ADAMTSL1: variants seen among roughly 807,000 people sequenced by gnomAD.
ADAMTSL1 encodes the protein ADAMTS like 1.
In ADAMTSL1, 126 loss-of-function variants were observed where a neutral mutation model predicts 201.8. That is an observed-to-expected ratio of 0.62 (90% CI 0.54 to 0.72). The LOEUF (loss-of-function observed/expected upper bound fraction) is 0.72. Ranked by LOEUF, ADAMTSL1 falls within the 30% of genes least tolerant of loss-of-function variation. The pLI is 0.00. For synonymous variants in ADAMTSL1, 1,121 were observed against 903.4 expected, an observed-to-expected ratio of 1.24 and a Z score of -4.32; for missense variants, 2,679 against 2,277.8, an observed-to-expected ratio of 1.18 and a Z score of -3.59.
At chr9:18,816,561 A>C (rs1052109870) in intron 20 of ADAMTSL1, among the ~76,000 whole-genome samples, 1 of 152,060 alleles carries the variant, frequency 6.6e-6, no homozygotes, top group Non-Finnish European at 1.5e-5. Flanking sequence ...TTATAACTGC[A>C]AGTGAGTCTA....
chr9:18,775,140 T>G (rs1820903630), intron 17 of ADAMTSL1, among the ~76,000 whole-genome samples: 2 of 152,332 alleles, frequency 1.3e-5, no homozygotes, highest in East Asian at 3.9e-4. Context: ...ATGGACTATT[T>G]CATTTTAACA....
chr9:18,509,459 G>A (rs188857485), intron 2 of ADAMTSL1, among the ~76,000 whole-genome samples: 20 of 152,252 alleles, frequency 1.3e-4, no homozygotes, highest in Non-Finnish European at 2.9e-4. Context: ...ATCCTCAGTG[G>A]AATATCAGAT....
intron 1 of ADAMTSL1, among the ~76,000 whole-genome samples, chr9:18,036,790 G>C (rs1266826836): frequency 6.6e-6 from 1 of 152,160 alleles, no homozygotes; most frequent in Non-Finnish European, 1.5e-5. Flanking sequence ...CCACATTATT[G>C]AGATAGGTAG....
intron 23 of ADAMTSL1, among the ~76,000 whole-genome samples, chr9:18,876,508 T>TGATG (rs776424497): frequency 1.3e-5 from 2 of 152,182 alleles, no homozygotes; most frequent in Non-Finnish European, 2.9e-5. Context: ...CCTTCATGTA[T>TGATG]GATGCTTAGT....
intron 1 of ADAMTSL1, among the ~76,000 whole-genome samples, chr9:18,501,967 C>T (rs1210551316): frequency 6.6e-6 from 1 of 152,146 alleles, no homozygotes; most frequent in African/African-American, 2.4e-5. Flanking sequence ...TCAAACAAGG[C>T]ACATGAAAAA....
intron 2 of ADAMTSL1, among the ~76,000 whole-genome samples, chr9:18,509,350 A>T (rs1432617554): frequency 6.6e-6 from 1 of 152,042 alleles, no homozygotes; most frequent in Non-Finnish European, 1.5e-5. Context: ...TACCAGCAAG[A>T]ATTTATTAGT....
At chr9:18,858,021 G>A (rs1352111558) in intron 23 of ADAMTSL1, among the ~76,000 whole-genome samples, 1 of 148,748 alleles carries the variant, frequency 6.7e-6, no homozygotes, top group African/African-American at 2.5e-5. Flanking sequence ...CATTGCTACT[G>A]ATGTGTCACT....
At chr9:18,074,307 T>A (rs1823097539) in intron 1 of ADAMTSL1, among the ~76,000 whole-genome samples, 1 of 152,172 alleles carries the variant, frequency 6.6e-6, no homozygotes, top group African/African-American at 2.4e-5. Context: ...CAGATGTCTG[T>A]ATGCTGCCAA....
At chr9:18,484,456 T>A (rs1821886264) in intron 1 of ADAMTSL1, among the ~76,000 whole-genome samples, 1 of 152,228 alleles carries the variant, frequency 6.6e-6, no homozygotes, top group African/African-American at 2.4e-5. Flanking sequence ...TTTCTTTGAC[T>A]TTTGCTTCTT....
At chr9:18,293,542 C>G (rs1452446820) in intron 2 of ADAMTSL1, among the ~76,000 whole-genome samples, 1 of 152,130 alleles carries the variant, frequency 6.6e-6, no homozygotes, top group Non-Finnish European at 1.5e-5. Context: ...CGGAGAATAC[C>G]GAAAGGTATG....
At chr9:18,519,421 A>G (rs904773456) in intron 2 of ADAMTSL1, among the ~76,000 whole-genome samples, 3 of 152,130 alleles carry the variant, frequency 2.0e-5, no homozygotes, top group Non-Finnish European at 2.9e-5. Flanking sequence ...TGGGACTCCT[A>G]TCACCCATAT....
chr9:18,776,287 T>C (rs974758599), intron 18 of ADAMTSL1, among the ~76,000 whole-genome samples: 12 of 152,204 alleles, frequency 7.9e-5, no homozygotes, highest in African/African-American at 2.9e-4. Context: ...AGGCTGTCCT[T>C]ACCATGTCCT....
chr9:17,937,841 G>T (rs1205322812), intron 1 of ADAMTSL1, among the ~76,000 whole-genome samples: 1 of 152,106 alleles, frequency 6.6e-6, no homozygotes, highest in African/African-American at 2.4e-5. Context: ...TGGATCTTGA[G>T]GTTTGAATCA....
At chr9:18,230,926 G>T (rs912238669) in intron 2 of ADAMTSL1, among the ~76,000 whole-genome samples, 2 of 152,104 alleles carry the variant, frequency 1.3e-5, no homozygotes, top group African/African-American at 4.8e-5. Context: ...TTGTGCCTAG[G>T]ATTTTCCTCC....
intron 23 of ADAMTSL1, among the ~76,000 whole-genome samples, chr9:18,871,006 G>T (rs1827845183): frequency 1.3e-5 from 2 of 152,104 alleles, no homozygotes; most frequent in Non-Finnish European, 2.9e-5. Context: ...TAACCCAGTT[G>T]TTAGTATACT....
In ADAMTSL1 at chr9:17,987,563, G is replaced by A. The variant is rs78211949; in HGVS notation, c.87+80641G>A. On this transcript the variant is annotated intron_variant, in intron 1 of 29. Transcript: ENST00000680146. The stretch of plus-strand genomic sequence containing the variant: ...AGTCTTAGTGTGTTTGTAATAGTTT[G>A]TTAAGCAGTCTTTTTAAAAGGGCTG... Among the ~76,000 whole-genome samples, 1,248 of 152,074 alleles carry A rather than the reference G, an allele frequency of 8.2e-3. 22 individuals carry two copies. Among genetic ancestry groups the A allele is most frequent in the African/African-American group, 0.029 (1,194 of 41,534 alleles).
chr9:18,633,586 C>T (rs1320143727), intron 5 of ADAMTSL1, among the ~76,000 whole-genome samples: 2 of 150,466 alleles, frequency 1.3e-5, no homozygotes, highest in Non-Finnish European at 3.0e-5. Flanking sequence ...CAAAGTGAGA[C>T]TCCATCTCAA....
In ADAMTSL1 at chr9:18,396,990, T is replaced by G. The variant is rs375288357; in HGVS notation, c.208-107839T>G. ...TTATATCGTAACATTGATCTGGCTC[T>G]TGTATTTTCTAACAGAATCCCTGAT... On this transcript the variant is annotated intron_variant, in intron 2 of 29. Transcript: ENST00000680146. 3.1e-4 allele frequency among the ~76,000 whole-genome samples: 45 copies of G among 145,804 alleles called. No individual in the cohort carries two copies. In the East Asian group the frequency reaches 4.6e-3, roughly 15 times the overall value.
intron 4 of ADAMTSL1, among the ~76,000 whole-genome samples, chr9:18,575,097 C>G (rs1197401350): frequency 1.3e-5 from 2 of 152,156 alleles, no homozygotes; most frequent in Non-Finnish European, 1.5e-5. Flanking sequence ...CTGAAATTTT[C>G]TCTCTTCAGA....
Sources: gnomAD v4.1 joint callset for allele counts (sites outside exome capture counted in the v4.1 genomes callset) on GRCh38, gnomAD v4.1.1 for gene constraint, MANE v1.5 for transcripts, NCBI Gene and HGNC (gene_info 2026-07-23, HGNC 2026-07-21) for gene names.